The following TMEM156 variants were observed in gnomAD, a reference collection of about 807,000 sequenced individuals.
The protein encoded by TMEM156 is transmembrane protein 156.
In TMEM156, 28 loss-of-function variants were observed where a neutral mutation model predicts 30.5. The ratio of observed to expected loss-of-function variants is 0.92; its 90% CI spans 0.68 to 1.26. TMEM156 has a LOEUF of 1.26. Among genes scored for constraint, TMEM156 ranks in the 50% most tolerant of loss-of-function variants. The pLI, the probability that TMEM156 is intolerant of heterozygous loss-of-function variation, is 0.00. For synonymous variants in TMEM156, 137 were observed against 119.9 expected (o/e 1.14, Z -0.93); for missense variants, 351 against 340.6 (o/e 1.03, Z -0.24).
chr4:38,978,871 C>T (rs1213526009), intron 5 of TMEM156, among the ~76,000 whole-genome samples: 2 of 152,100 alleles, frequency 1.3e-5, no homozygotes, highest in Non-Finnish European at 2.9e-5. Flanking sequence ...CAGCCTTCAC[C>T]TCCCAGGCTC....
rs149420213 is a variant in TMEM156 at position 38,972,970 on chromosome 4, G to C, written c.824-1833C>G. On this transcript the variant is annotated intron_variant, in intron 5 of 6. Transcript: ENST00000381938. ...GTCTCTTCTCTGAGTTTTGTGTCAT[G>C]ATTAGAAAGACCAATTTTGCAGTTA... Among the ~76,000 whole-genome samples the C allele has an allele frequency of 1.5e-3, 222 of 152,220 alleles. 1 individual carries two copies. Among genetic ancestry groups the C allele is most frequent in the African/African-American group, 5.1e-3 (213 of 41,540 alleles).
In TMEM156 at chr4:39,003,469, G is replaced by A. The variant is rs558149887; in HGVS notation, c.89-4560C>T. 2.7e-3 allele frequency among the ~76,000 whole-genome samples: 409 copies of A among 152,156 alleles called. 3 individuals carry two copies. The highest frequency in any genetic ancestry group is 9.4e-3 in the African/African-American group (390 of 41,514). Reference sequence around the variant, plus strand: ...TCTGCCTCACCCTCCTGAATAGCTAGGATTACAGGCATGCACCACCACGCC... The same window carrying A: ...TCTGCCTCACCCTCCTGAATAGCTAAGATTACAGGCATGCACCACCACGCC... On this transcript the variant is annotated intron_variant, in intron 1 of 6. Coordinates refer to ENST00000381938, the MANE Select transcript of TMEM156 (RefSeq NM_024943.3).
chr4:39,011,987 C>T (rs771325239), intron 1 of TMEM156, among the ~76,000 whole-genome samples: 15 of 152,068 alleles, frequency 9.9e-5, no homozygotes, highest in African/African-American at 3.1e-4. Context: ...GACACAAAGA[C>T]GGGCTCAACA....
chr4:38,978,304 A>T lies in TMEM156; in HGVS notation c.824-7167T>A, dbSNP rs182841888. Among the ~76,000 whole-genome samples the T allele has an allele frequency of 7.2e-5, 11 of 152,302 alleles. No homozygotes were observed. In the East Asian group the frequency reaches 1.9e-3, roughly 27 times the overall value. ...AAGAAGGAGTAAATAGGGTTAGGAG[A>T]TCACACAGTATCTGTCCCTCTGTGC... On this transcript the variant is annotated intron_variant, in intron 5 of 6. Transcript: ENST00000381938.
At chr4:39,021,674 T>A (rs1714878056) in intron 1 of TMEM156, among the ~76,000 whole-genome samples, 1 of 152,216 alleles carries the variant, frequency 6.6e-6, no homozygotes, top group Non-Finnish European at 1.5e-5. Flanking sequence ...TCTGCTTTTG[T>A]TGCCTGTTTT....
At chr4:39,018,425 G>C (rs761916013) in intron 1 of TMEM156, among the ~76,000 whole-genome samples, 6 of 152,104 alleles carry the variant, frequency 3.9e-5, no homozygotes, top group African/African-American at 9.7e-5. Context: ...AATTGTTGTT[G>C]AGGTTTTTTT....
chr4:38,968,919 C>A (rs1314514225), intron 6 of TMEM156, among the ~76,000 whole-genome samples: 1 of 152,178 alleles, frequency 6.6e-6, no homozygotes, highest in Non-Finnish European at 1.5e-5. Context: ...GGCTCCAGTG[C>A]CCTCTGGCTC....
rs533186499 is a variant in TMEM156, at chr4:38,991,410, A to G, written c.619+2328T>C. On this transcript the variant is annotated intron_variant, in intron 3 of 6. Transcript: ENST00000381938. ...TTATTTTCATCCTTTTTGTAGAGTCAGGGTTTCACCATGTTGTCCAAGCTA... is the reference window on the plus strand; with the variant it reads ...TTATTTTCATCCTTTTTGTAGAGTCGGGGTTTCACCATGTTGTCCAAGCTA... Among the ~76,000 whole-genome samples the G allele has an allele frequency of 2.0e-5, 3 of 151,574 alleles. No individual in the cohort carries two copies. In the South Asian group the frequency reaches 6.3e-4, roughly 32 times the overall value.
intron 1 of TMEM156, among the ~76,000 whole-genome samples, chr4:39,007,110 A>G (rs1483096900): frequency 1.3e-5 from 2 of 152,190 alleles, no homozygotes; most frequent in Admixed American, 6.6e-5. Flanking sequence ...TTCCAGGTAC[A>G]TATAAGCGTG....
chr4:38,976,116 A>G (rs887784464), intron 5 of TMEM156, among the ~76,000 whole-genome samples: 1 of 151,804 alleles, frequency 6.6e-6, no homozygotes, highest in African/African-American at 2.4e-5. Context: ...GTGAAACCCC[A>G]TCTCTACTAA....
intron 5 of TMEM156, among the ~76,000 whole-genome samples, chr4:38,978,333 C>T (rs1722984515): frequency 6.6e-6 from 1 of 152,182 alleles, no homozygotes; most frequent in South Asian, 2.1e-4. Flanking sequence ...TCTGTGCCCT[C>T]CACGTCCCAA....
At chr4:38,984,341 CTCTCTCTCTGTG>C in intron 5 of TMEM156, among the ~76,000 whole-genome samples, 1 of 109,080 alleles carries the variant, frequency 9.2e-6, no homozygotes, top group Non-Finnish European at 1.8e-5. Context: ...CTGTCTCTCT[CTCTCTCTCTGTG>C]TGTGTGTGTG....
chr4:38,996,127 T>C (rs1453830815), intron 2 of TMEM156, among the ~76,000 whole-genome samples: 2 of 152,158 alleles, frequency 1.3e-5, no homozygotes, highest in Non-Finnish European at 2.9e-5. Context: ...AGGACTTTCA[T>C]AGACATTTCT....
At chr4:38,993,387 G>A (rs538131459) in intron 3 of TMEM156, among the ~76,000 whole-genome samples, 3 of 151,896 alleles carry the variant, frequency 2.0e-5, no homozygotes, top group South Asian at 2.1e-4. Flanking sequence ...AGCAGTGATC[G>A]TGTCACTGCA....
In TMEM156 at chr4:39,002,170, C is replaced by T. The variant is rs976295777; in HGVS notation, c.89-3261G>A. On this transcript the variant is annotated intron_variant, in intron 1 of 6. Coordinates refer to ENST00000381938, the MANE Select transcript of TMEM156 (RefSeq NM_024943.3). ...GCTAATATCCAGAATCTACAATGAA[C>T]TCAAACAAATTTACAAGAAAAAAAC... Among the ~76,000 whole-genome samples, 50 of 145,760 alleles carry T rather than the reference C, an allele frequency of 3.4e-4. 1 individual carries two copies. In the East Asian group the frequency reaches 8.0e-3, roughly 23 times the overall value.
intron 1 of TMEM156, among the ~76,000 whole-genome samples, chr4:39,024,654 C>G (rs56281429): frequency 1.3e-5 from 2 of 152,054 alleles, no homozygotes; most frequent in African/African-American, 4.8e-5. Flanking sequence ...AAAACAGACA[C>G]TGGGGCCTAC....
chr4:39,021,401 AAAT>A (rs1397449372), intron 1 of TMEM156, among the ~76,000 whole-genome samples: 4 of 151,640 alleles, frequency 2.6e-5, no homozygotes, highest in African/African-American at 4.9e-5. Context: ...TCTCAAAAAA[AAAT>A]AAATAAATAA....
chr4:38,979,333 T>C (rs924018704), intron 5 of TMEM156, among the ~76,000 whole-genome samples: 2 of 152,188 alleles, frequency 1.3e-5, no homozygotes, highest in South Asian at 4.1e-4. Flanking sequence ...GTTTTGGCAG[T>C]GGGGACCGAC....
chr4:38,985,406 T>C (rs1213113052), intron 5 of TMEM156, among the ~76,000 whole-genome samples: 1 of 152,134 alleles, frequency 6.6e-6, no homozygotes. Context: ...TTAGGTGCAC[T>C]CAAGCTAGGG....
Sources: allele counts gnomAD v4.1 joint callset (sites outside exome capture counted in the v4.1 genomes callset), GRCh38; gene constraint gnomAD v4.1.1; transcripts MANE v1.5; gene names NCBI Gene and HGNC (gene_info 2026-07-23, HGNC 2026-07-21).